The following YPEL2 variants were observed in gnomAD, a reference collection of about 807,000 sequenced individuals.
The protein encoded by YPEL2 is yippee like 2, also known as protein yippee-like 2.
A neutral mutation model predicts 19.1 loss-of-function variants in YPEL2; 2 were observed. The observed-to-expected ratio is 0.10, with a 90% CI of 0.04 to 0.33. YPEL2 has a LOEUF of 0.33. Ranked by LOEUF, YPEL2 falls within the 10% of genes least tolerant of loss-of-function variation. YPEL2 has a pLI of 1.00. For synonymous variants in YPEL2, 52 were observed against 50.0 expected (o/e 1.04, Z -0.17); for missense variants, 66 against 140.7 (o/e 0.47, Z 2.68).
chr17:59,342,329 AC>A (rs2047735894), intron 1 of YPEL2, among the ~76,000 whole-genome samples: 1 of 152,214 alleles, frequency 6.6e-6, no homozygotes, highest in African/African-American at 2.4e-5. Flanking sequence ...AACACAGATG[AC>A]AATCAAATAA....
intron 4 of YPEL2, among the ~76,000 whole-genome samples, chr17:59,391,552 C>T (rs1247379216): frequency 6.6e-6 from 1 of 151,734 alleles, no homozygotes; most frequent in Non-Finnish European, 1.5e-5. Flanking sequence ...AGCCTGGTAG[C>T]ACTGCCTTTA....
At chr17:59,386,794 C>T (rs1055891754) in intron 2 of YPEL2, among the ~76,000 whole-genome samples, 1 of 152,138 alleles carries the variant, frequency 6.6e-6, no homozygotes, top group Non-Finnish European at 1.5e-5. Context: ...GCTATATTCC[C>T]CAGGGATGTT....
At chr17:59,393,765 A>C (rs2048021406) in intron 4 of YPEL2, among the ~76,000 whole-genome samples, 2 of 149,818 alleles carry the variant, frequency 1.3e-5, no homozygotes, top group South Asian at 4.3e-4. Context: ...CACATCTTGC[A>C]CCGCCCTTAA....
chr17:59,341,475 C>T lies in YPEL2; in HGVS notation c.-196+9651C>T, dbSNP rs963636652. Among the ~76,000 whole-genome samples, 14 of 150,998 alleles carry T rather than the reference C, an allele frequency of 9.3e-5. 1 individual carries two copies. Among genetic ancestry groups the T allele is most frequent in the Non-Finnish European group, 5.9e-5 (4 of 67,868 alleles). On this transcript the variant is annotated intron_variant, in intron 1 of 4. Transcript: ENST00000312655. ...AGGAGTTCCAGACCAGTCTGGACAA[C>T]ATGGCAAAACCCGTCCCTACTAAAA...
intron 2 of YPEL2, among the ~76,000 whole-genome samples, chr17:59,379,414 A>C (rs537496891): frequency 6.6e-6 from 1 of 152,160 alleles, no homozygotes; most frequent in Non-Finnish European, 1.5e-5. Flanking sequence ...AGAATGTGAG[A>C]TCTGTTGAGT....
chr17:59,352,163 C>G (rs2047790621), intron 1 of YPEL2, among the ~76,000 whole-genome samples: 1 of 152,216 alleles, frequency 6.6e-6, no homozygotes, highest in Non-Finnish European at 1.5e-5. Context: ...ATTTTATCTT[C>G]AAAGCATGAC....
Position 59,353,716 on chromosome 17 carries a change from G to C in YPEL2, c.117+190G>C. On this transcript the variant is annotated intron_variant, in intron 2 of 4. Transcript: ENST00000312655. This position sits in a 1 kb window ranked among gnomAD's most constrained non-coding sequence, Gnocchi z 4.8. ...GAGGGACAGAGTAGTCATTTAATTT[G>C]TTATTTTGGAAATGAGGTGTCATCC... is the stretch of plus-strand genomic sequence containing the variant. The C allele has an allele frequency of 1.7e-6, 1 of 605,302 alleles. No homozygotes were observed. Among genetic ancestry groups the C allele is most frequent in the Non-Finnish European group, 3.1e-6 (1 of 327,356 alleles). The allele number at this position is 605,302 out of a possible 1,614,324, so 37.5% of individuals were successfully genotyped here.
At chr17:59,340,152 AGCTGGAGTACAATGGTGT>A (rs990524364) in intron 1 of YPEL2, among the ~76,000 whole-genome samples, 10 of 151,688 alleles carry the variant, frequency 6.6e-5, no homozygotes, top group African/African-American at 2.2e-4. Context: ...TTGTTGCCCA[AGCTGGAGTACAATGGTGT>A]GATCTCAGCT....
chr17:59,397,018 G>A, intron 4 of YPEL2, 83 bp from the exon 5 acceptor site: 1 of 1,038,902 alleles, frequency 9.6e-7, no homozygotes, highest in Non-Finnish European at 1.4e-6. Context: ...GTGACAGAGT[G>A]AGACTGCCTC....
chr17:59,389,243 C>G lies in YPEL2; in HGVS notation c.162-117C>G, dbSNP rs564874129. 13 of 833,582 alleles carry G rather than the reference C, an allele frequency of 1.6e-5. No homozygotes were observed. The East Asian group carries it at 3.5e-4, about 22-fold the overall frequency. 51.6% of individuals were successfully genotyped at this position (833,582 alleles called of 1,614,324 possible). On this transcript the variant is annotated intron_variant, in intron 3 of 4. Coordinates refer to ENST00000312655, the MANE Select transcript of YPEL2 (RefSeq NM_001005404.4). ...GGGATTGGTTTAGATCTGCTCAGCT[C>G]AGGGTTGGCTCCCCTTGGGACAGCC...
chr17:59,370,882 A>G (rs1242555021), intron 2 of YPEL2, among the ~76,000 whole-genome samples: 2 of 152,194 alleles, frequency 1.3e-5, no homozygotes, highest in Non-Finnish European at 2.9e-5. Context: ...AGAAGCCCCA[A>G]TTAATGTGTA....
chr17:59,371,130 C>T (rs2047895107), intron 2 of YPEL2, among the ~76,000 whole-genome samples: 1 of 152,160 alleles, frequency 6.6e-6, no homozygotes, highest in African/African-American at 2.4e-5. Context: ...TGTTAAGTTG[C>T]CCCAAATACC....
rs1598054836 is a variant in YPEL2 at position 59,393,415 on chromosome 17, G to T, written c.271-3686G>T. ...CTCTCAAAGGGTTAGGATTATGGGT[G>T]TGAGCCACCACGCCTGGCCGAATTT... On this transcript the variant is annotated intron_variant, in intron 4 of 4. Transcript: ENST00000312655. Among the ~76,000 whole-genome samples the T allele has an allele frequency of 2.0e-5, 3 of 151,004 alleles. No individual in the cohort carries two copies. In the South Asian group the frequency reaches 6.3e-4, roughly 32 times the overall value.
In YPEL2 at chr17:59,357,167, A is replaced by G. The variant is rs552016777; in HGVS notation, c.117+3641A>G. On this transcript the variant is annotated intron_variant, in intron 2 of 4. Coordinates refer to ENST00000312655, the MANE Select transcript of YPEL2 (RefSeq NM_001005404.4). ...AAATTACAAACCTTTATGTAAATAT[A>G]AAGTAGTCTGTTTGCTTCTCTTGGC... Among the ~76,000 whole-genome samples the G allele has an allele frequency of 7.9e-5, 12 of 152,302 alleles. No individual in the cohort carries two copies. The South Asian group carries it at 2.5e-3, about 32-fold the overall frequency.
intron 1 of YPEL2, among the ~76,000 whole-genome samples, chr17:59,349,031 G>C (rs762107048): frequency 6.6e-6 from 1 of 151,974 alleles, no homozygotes; most frequent in Non-Finnish European, 1.5e-5. Context: ...AAAGTTAGCC[G>C]GGCGTAGTGG....
intron 1 of YPEL2, among the ~76,000 whole-genome samples, chr17:59,332,975 G>A (rs1367945556): frequency 6.6e-6 from 1 of 152,204 alleles, no homozygotes; most frequent in Non-Finnish European, 1.5e-5. Flanking sequence ...TTGTTCCAAA[G>A]CATTGGGCAA....
At chr17:59,366,964 G>T (rs2047873074) in intron 2 of YPEL2, among the ~76,000 whole-genome samples, 1 of 152,236 alleles carries the variant, frequency 6.6e-6, no homozygotes, top group African/African-American at 2.4e-5. Flanking sequence ...CCTGCTCTGA[G>T]CATCGTGGGG....
intron 2 of YPEL2, among the ~76,000 whole-genome samples, chr17:59,387,837 G>C (rs914604894): frequency 5.3e-5 from 8 of 152,166 alleles, no homozygotes; most frequent in Non-Finnish European, 1.0e-4. Flanking sequence ...AGTGTGGGTT[G>C]GATAGTTTTT....
At chr17:59,333,371 C>T (rs1348997068) in intron 1 of YPEL2, among the ~76,000 whole-genome samples, 1 of 152,236 alleles carries the variant, frequency 6.6e-6, no homozygotes, top group African/African-American at 2.4e-5. Context: ...CATTCAATGA[C>T]AGCATTTCTT....
Sources: gnomAD v4.1 joint callset for allele counts (sites outside exome capture counted in the v4.1 genomes callset) on GRCh38, gnomAD v4.1.1 for gene constraint, Gnocchi (gnomAD v3.1) non-coding constraint, MANE v1.5 for transcripts, NCBI Gene and HGNC (gene_info 2026-07-23, HGNC 2026-07-21) for gene names.